The following ZNF844 variants were observed in gnomAD, a reference collection of about 807,000 sequenced individuals.
ZNF844 encodes zinc finger protein 844.
A neutral mutation model predicts 11.4 loss-of-function variants in ZNF844; 11 were observed. The ratio of observed to expected loss-of-function variants is 0.97; its 90% CI spans 0.61 to 1.60. ZNF844 has a LOEUF of 1.60. Among genes scored for constraint, ZNF844 ranks in the 40% most tolerant of loss-of-function variants. The pLI, the probability that ZNF844 is intolerant of heterozygous loss-of-function variation, is 0.00. For missense variants in ZNF844, 790 were observed against 796.8 expected (o/e 0.99, Z 0.10); for synonymous variants, 248 against 260.3 (o/e 0.95, Z 0.46).
intron 3 of ZNF844, among the ~76,000 whole-genome samples, chr19:12,075,062 G>A (rs544276784): frequency 2.6e-5 from 4 of 152,264 alleles, no homozygotes. Context: ...GAAAGTGCAA[G>A]TTCAGTGGGG....
chr19:12,070,798 T>G (rs1975745881), intron 1 of ZNF844, among the ~76,000 whole-genome samples: 1 of 152,286 alleles, frequency 6.6e-6, no homozygotes, highest in Admixed American at 6.5e-5. Flanking sequence ...GGAAAGAAAT[T>G]GAACTCAACC....
Position 12,077,852 on chromosome 19 carries a change from A to C in ZNF844, c.*731A>C. The C allele has an allele frequency of 3.5e-6, 1 of 288,814 alleles. No homozygotes were observed. Among genetic ancestry groups the C allele is most frequent in the Admixed American group, 4.6e-5 (1 of 21,906 alleles). The allele number at this position is 288,814 out of a possible 1,614,324, so 17.9% of individuals were successfully genotyped here. Reference sequence around the variant, plus strand: ...TGTATTTTTTTTTTCTTTTTGAGACAGAGTCTCGCTCTGTCACCCAGGCTG... The same window carrying C: ...TGTATTTTTTTTTTCTTTTTGAGACCGAGTCTCGCTCTGTCACCCAGGCTG... On this transcript the variant is annotated 3_prime_UTR_variant, in exon 4 of 4. Coordinates refer to ENST00000439326, the MANE Select transcript of ZNF844 (RefSeq NM_001136501.3).
rs1975894740 is a variant in ZNF844 at position 12,081,379 on chromosome 19, A to G, written c.*4258A>G. The G allele has an allele frequency of 6.6e-6, 1 of 152,128 alleles. No individual in the cohort carries two copies. Among genetic ancestry groups the G allele is most frequent in the African/African-American group, 2.4e-5 (1 of 41,422 alleles). 9.4% of individuals were successfully genotyped at this position (152,128 alleles called of 1,614,324 possible). A position where few individuals can be genotyped will look rare whatever the true frequency, so the allele number is the denominator to read the frequency against. On this transcript the variant is annotated 3_prime_UTR_variant, in exon 4 of 4. Transcript: ENST00000439326. ...TTCCTGTGTTTCATTTCTGAATGTA[A>G]TGTCTCCATTTATTTTCAATTATGT...
chr19:12,075,402 A>G lies in ZNF844; in HGVS notation c.282A>G (p.Lys94=), dbSNP rs1975796080. Residue 94 remains lysine, a synonymous_variant, in exon 4 of 4, where the codon AAA becomes AAG. Coordinates refer to ENST00000439326, the MANE Select transcript of ZNF844 (RefSeq NM_001136501.3). The part of the protein sequence containing the change: ...SSQIPDDTLN[K]KTSPGVKSCE... Reference sequence around the variant, plus strand: ...AGATTCCAGATGACACACTGAACAAAAAAACTTCTCCTGGAGTAAAATCAT... The same window carrying G: ...AGATTCCAGATGACACACTGAACAAGAAAACTTCTCCTGGAGTAAAATCAT... 6.2e-7 allele frequency: 1 copy of G among 1,601,726 alleles called. No homozygotes were observed. The highest frequency in any genetic ancestry group is 1.1e-5 in the South Asian group (1 of 89,086).
At position 12,075,450 on chromosome 19, in the gene ZNF844, A is replaced by G. The variant is rs960274857; in HGVS notation, c.330A>G (p.Glu110=). The change falls in exon 4 of 4, where the codon GAA becomes GAG. Residue 110 remains glutamate, a synonymous_variant. Coordinates refer to ENST00000439326, the MANE Select transcript of ZNF844 (RefSeq NM_001136501.3). The part of the protein sequence containing the change: ...VKSCESSVCG[E]VFVGHSSLNR... ...CATGTGAAAGCAGTGTGTGTGGAGA[A>G]GTCTTCGTGGGTCATTCTTCCCTTA... 6.2e-7 allele frequency: 1 copy of G among 1,612,716 alleles called. No individual in the cohort carries two copies. The highest frequency in any genetic ancestry group is 8.5e-7 in the Non-Finnish European group (1 of 1,179,514).
chr19:12,072,887 G>T (rs1975766319), intron 1 of ZNF844, among the ~76,000 whole-genome samples: 1 of 151,562 alleles, frequency 6.6e-6, no homozygotes, highest in African/African-American at 2.4e-5. Context: ...GCCTGGCCTT[G>T]ATTTTTCTTT....
Position 12,076,501 on chromosome 19 carries a change from C to T in ZNF844, c.1381C>T (p.His461Tyr). The T allele has an allele frequency of 2.5e-6, 4 of 1,596,396 alleles. No homozygotes were observed. The highest frequency in any genetic ancestry group is 3.4e-6 in the Non-Finnish European group (4 of 1,174,116). ...SNVGKPSDLP[H>Y]TFKCMEGLTL... ...TGTGGGAAAGCCTTCAGATCTGCCTCACACCTTCAAATGCATGGAAGGACT... is the reference window on the plus strand; with the variant it reads ...TGTGGGAAAGCCTTCAGATCTGCCTTACACCTTCAAATGCATGGAAGGACT... The change falls in exon 4 of 4, where the codon CAC becomes TAC. Residue 461 changes from histidine to tyrosine, a missense_variant. Around this residue, in one of 3 missense-constraint regions of ZNF844, gnomAD observed 657 missense variants for 636.2 expected, o/e 1.03. Coordinates refer to ENST00000439326, the MANE Select transcript of ZNF844 (RefSeq NM_001136501.3).
In ZNF844 at chr19:12,075,614, G is replaced by T. The variant is rs748272821; in HGVS notation, c.494G>T (p.Gly165Val). 6.8e-6 allele frequency: 11 copies of T among 1,613,088 alleles called. No individual in the cohort carries two copies. In the South Asian group the frequency reaches 1.2e-4, roughly 18 times the overall value. ...CAAATGCAAGAAAAGGCTCACACTG[G>T]AGAAAAACTCTATGATTGTAAAGAA... ...SFQMQEKAHTGEKLYDCKECG... is the reference protein window; with the variant it reads ...SFQMQEKAHTVEKLYDCKECG... The change falls in exon 4 of 4, where the codon GGA becomes GTA. Residue 165 changes from glycine to valine, a missense_variant. By Grantham distance (109) the Gly-to-Val change is moderately radical. Coordinates refer to ENST00000439326, the MANE Select transcript of ZNF844 (RefSeq NM_001136501.3).
chr19:12,071,307 G>A (rs901415969), intron 1 of ZNF844, among the ~76,000 whole-genome samples: 2 of 152,070 alleles, frequency 1.3e-5, no homozygotes, highest in African/African-American at 4.8e-5. Context: ...CATGTGCCCC[G>A]AGAATACTCT....
rs759365290 is a variant in ZNF844 at position 12,074,024 on chromosome 19, G to A, written c.4-7G>A. On this transcript the variant is annotated splice_region_variant and splice_polypyrimidine_tract_variant and intron_variant, in intron 1 of 3. Transcript: ENST00000439326. ...CCATCCTCCTCTATACATGTGGGATGTTTCAGGACTTGGTGGCTTTCGAGG... is the reference window on the plus strand; with the variant it reads ...CCATCCTCCTCTATACATGTGGGATATTTCAGGACTTGGTGGCTTTCGAGG... The A allele has an allele frequency of 6.1e-5, 99 of 1,611,418 alleles. 2 individuals carry two copies. The South Asian group carries it at 1.1e-3, about 17-fold the overall frequency.
In ZNF844 at chr19:12,077,393, G is replaced by T; in HGVS notation, c.*272G>T. 1 of 728,258 alleles carries T rather than the reference G, an allele frequency of 1.4e-6. No homozygotes were observed. The highest frequency in any genetic ancestry group is 2.5e-6 in the Non-Finnish European group (1 of 403,434). 45.1% of individuals were successfully genotyped at this position (728,258 alleles called of 1,614,324 possible). ...GAGAGAAACAGTATGAGTGTAAGCA[G>T]TGTGGTAAAGCCTTCATGTCTTCTA... On this transcript the variant is annotated 3_prime_UTR_variant, in exon 4 of 4. Coordinates refer to ENST00000439326, the MANE Select transcript of ZNF844 (RefSeq NM_001136501.3).
Position 12,077,225 on chromosome 19 carries a change from G to C in ZNF844, c.*104G>C, listed in dbSNP as rs776147861. On this transcript the variant is annotated 3_prime_UTR_variant, in exon 4 of 4. Transcript: ENST00000439326. ...GAGAGAAACCCTATGAGTGTAAGCAGTGTGGTAAAGCCTTCATTTCTTCCA... is the reference window on the plus strand; with the variant it reads ...GAGAGAAACCCTATGAGTGTAAGCACTGTGGTAAAGCCTTCATTTCTTCCA... The C allele has an allele frequency of 1.0e-5, 16 of 1,575,476 alleles. No individual in the cohort carries two copies. Among genetic ancestry groups the C allele is most frequent in the Admixed American group, 3.5e-5 (2 of 57,936 alleles).
intron 1 of ZNF844, among the ~76,000 whole-genome samples, chr19:12,067,156 C>T (rs1360097468): frequency 1.3e-5 from 2 of 151,766 alleles, no homozygotes; most frequent in Non-Finnish European, 2.9e-5. Context: ...GCTGAGATCG[C>T]GCCACTGCAC....
chr19:12,074,337 T>C (rs778255571), intron 2 of ZNF844, 24 bp from the exon 3 acceptor site: 1 of 1,507,892 alleles, frequency 6.6e-7, no homozygotes, highest in South Asian at 1.3e-5. Flanking sequence ...AATTCAGGAT[T>C]CTTTTTCTGA....
At chr19:12,071,737 T>TA (rs1329217096) in intron 1 of ZNF844, among the ~76,000 whole-genome samples, 4 of 151,938 alleles carry the variant, frequency 2.6e-5, no homozygotes, top group Admixed American at 6.6e-5. Flanking sequence ...TTTATTATTG[T>TA]AAAAAAATTA....
chr19:12,076,575 A>AT lies in ZNF844; in HGVS notation c.1461dup (p.Pro488SerfsTer156), dbSNP rs1326181394. The AT allele has an allele frequency of 1.9e-6, 3 of 1,611,216 alleles. No individual in the cohort carries two copies. Among genetic ancestry groups the AT allele is most frequent in the Non-Finnish European group, 1.7e-6 (2 of 1,178,992 alleles). On this transcript the variant is annotated frameshift_variant, in exon 4 of 4. Transcript: ENST00000439326. LOFTEE classifies it low-confidence loss of function (END_TRUNC). ...ATGTAAGCAGTGTGGTAAAGCCTTC[A>AT]TTTTTTCCACTTCCTTTCGATATCA...
At chr19:12,067,964 G>GAAGGAAGGAAGGAAGGAAGGAAGGA (rs1341150685) in intron 1 of ZNF844, among the ~76,000 whole-genome samples, 1 of 143,346 alleles carries the variant, frequency 7.0e-6, no homozygotes, top group African/African-American at 2.7e-5. Context: ...AGGAAAGAAG[G>GAAGGAAGGAAGGAAGGAAGGAAGGA]AAGGAAGGAA....
chr19:12,075,715 T>A lies in ZNF844; in HGVS notation c.595T>A (p.Cys199Ser). The A allele has an allele frequency of 6.2e-7, 1 of 1,613,956 alleles. No individual in the cohort carries two copies. Among genetic ancestry groups the A allele is most frequent in the Non-Finnish European group, 8.5e-7 (1 of 1,179,968 alleles). ...GCACAATGGAGATGGAACTTATAAA[T>A]GTAAGTTTTGTGGGAAAGCCTGCCC... ...IMHNGDGTYK[C>S]KFCGKACPCL... is the part of the protein sequence containing the mutation. The change falls in exon 4 of 4, where the codon TGT becomes AGT. Residue 199 changes from cysteine to serine, a missense_variant. This residue lies in a region of ZNF844 where 657 missense variants were observed against 636.2 expected (regional missense o/e 1.03). Transcript: ENST00000439326.
chr19:12,076,878 G>C lies in ZNF844; in HGVS notation c.1758G>C (p.Met586Ile). 6.4e-7 allele frequency: 1 copy of C among 1,568,934 alleles called. No individual in the cohort carries two copies. The highest frequency in any genetic ancestry group is 1.2e-5 in the South Asian group (1 of 86,090). The change falls in exon 4 of 4, where the codon ATG becomes ATC. Residue 586 changes from methionine to isoleucine, a missense_variant. By Grantham distance (10) the Met-to-Ile change is conservative. Coordinates refer to ENST00000439326, the MANE Select transcript of ZNF844 (RefSeq NM_001136501.3). ...AATGCACAGAGGACAGAATGCCTAT[G>C]AATGTAAAGAGTGTGACAAAGCATT... ...MQQCTEDRMP[M>I]NVKSVTKHSY...
Sources: gnomAD v4.1 joint callset for allele counts (sites outside exome capture counted in the v4.1 genomes callset) on GRCh38, gnomAD v4.1.1 for gene constraint, gnomAD v4.1.1 regional missense constraint, MANE v1.5 for transcripts, NCBI Gene and HGNC (gene_info 2026-07-23, HGNC 2026-07-21) for gene names.